Variants in PDE1A observed in about 807,000 individuals in gnomAD.
PDE1A encodes the protein phosphodiesterase 1A, also known as dual specificity calcium/calmodulin-dependent 3',5'-cyclic nucleotide phosphodiesterase 1A.
PDE1A carries 35 observed loss-of-function variants against 61.7 expected under a neutral mutation model. The ratio of observed to expected loss-of-function variants is 0.57; its 90% CI spans 0.43 to 0.75. PDE1A has a LOEUF of 0.75. Among genes scored for constraint, PDE1A ranks in the 30% least tolerant of loss-of-function variants. The probability of loss-of-function intolerance (pLI) is 0.00; values close to 1 mark genes in which losing one functional copy is unlikely to be tolerated. For missense variants in PDE1A, 597 were observed against 630.6 expected (o/e 0.95, Z 0.57); for synonymous variants, 232 against 213.2 (o/e 1.09, Z -0.77).
chr2:182,540,382 AAAAGCAGCAGC>A, the PDE1A span, among the ~76,000 whole-genome samples: 1 of 138,638 alleles, frequency 7.2e-6, no homozygotes, highest in African/African-American at 2.6e-5. Context: ...AAAAAAAAAA[AAAAGCAGCAGC>A]AGCAGCAGCA....
chr2:182,486,319 G>T (rs1688022046), intron 2 of PDE1A, among the ~76,000 whole-genome samples: 1 of 151,868 alleles, frequency 6.6e-6, no homozygotes, highest in African/African-American at 2.4e-5. Flanking sequence ...AAAAGTAGAT[G>T]GACATTATAT....
At chr2:182,626,816 TATATATATACATATATATATAC>T in the PDE1A span, among the ~76,000 whole-genome samples, 16 of 23,196 alleles carry the variant, frequency 6.9e-4, no homozygotes, top group South Asian at 6.9e-3. Flanking sequence ...TATATATACA[TATATATATACATATATATATAC>T]ATATATATAC....
the PDE1A span, among the ~76,000 whole-genome samples, chr2:182,566,583 A>C: frequency 6.6e-6 from 1 of 151,882 alleles, no homozygotes; most frequent in Non-Finnish European, 1.5e-5. Flanking sequence ...ATTTCTTTCT[A>C]GTTTCTCAAG....
At chr2:182,577,965 GAA>G in the PDE1A span, among the ~76,000 whole-genome samples, 30 of 148,344 alleles carry the variant, frequency 2.0e-4, no homozygotes, top group African/African-American at 6.3e-4. Context: ...AGGAAGGAAG[GAA>G]GGAAGGAAGG....
intron 1 of PDE1A, among the ~76,000 whole-genome samples, chr2:182,352,646 C>T (rs1272648644): frequency 1.4e-5 from 2 of 146,836 alleles, no homozygotes; most frequent in Non-Finnish European, 3.0e-5. Context: ...GTGATGCTCA[C>T]TCTGTTGTTT....
chr2:182,196,384 T>C (rs951923056), intron 10 of PDE1A, among the ~76,000 whole-genome samples: 9 of 151,992 alleles, frequency 5.9e-5, no homozygotes. Context: ...TTTGGAGATC[T>C]AATGGTAATC....
At chr2:182,177,400 C>A (rs1025641926) in intron 13 of PDE1A, among the ~76,000 whole-genome samples, 77 of 151,922 alleles carry the variant, frequency 5.1e-4, no homozygotes, top group Non-Finnish European at 9.9e-4. Context: ...CAACTTCTTC[C>A]TGGTTTAGTC....
chr2:182,663,461 G>C, the PDE1A span, among the ~76,000 whole-genome samples: 1 of 152,134 alleles, frequency 6.6e-6, no homozygotes, highest in South Asian at 2.1e-4. Flanking sequence ...AGAAAATGTG[G>C]TACATATATA....
At chr2:182,666,188 C>A in the PDE1A span, among the ~76,000 whole-genome samples, 54 of 152,038 alleles carry the variant, frequency 3.6e-4, no homozygotes, top group Non-Finnish European at 6.9e-4. Context: ...ACCTGCACAT[C>A]CTGCACATGT....
chr2:182,564,205 TC>T, the PDE1A span, among the ~76,000 whole-genome samples: 1 of 152,240 alleles, frequency 6.6e-6, no homozygotes. Context: ...GTTGTTCCTT[TC>T]CATGTTTAGT....
At chr2:182,342,070 C>G (rs1287022414) in intron 1 of PDE1A, among the ~76,000 whole-genome samples, 2 of 152,082 alleles carry the variant, frequency 1.3e-5, no homozygotes, top group Admixed American at 6.6e-5. Flanking sequence ...ACACCCGGCC[C>G]TTTTCTATAG....
At chr2:182,559,344 T>C in the PDE1A span, among the ~76,000 whole-genome samples, 1 of 152,174 alleles carries the variant, frequency 6.6e-6, no homozygotes, top group African/African-American at 2.4e-5. Flanking sequence ...GGTAAGAAGC[T>C]TGGATTTTAT....
chr2:182,202,621 G>C (rs1428257245), intron 8 of PDE1A, among the ~76,000 whole-genome samples: 1 of 152,130 alleles, frequency 6.6e-6, no homozygotes, highest in Non-Finnish European at 1.5e-5. Context: ...TCTGTGCCAA[G>C]CTTCCATCAT....
intron 13 of PDE1A, among the ~76,000 whole-genome samples, chr2:182,151,047 T>C (rs1001653822): frequency 1.3e-5 from 2 of 152,176 alleles, no homozygotes; most frequent in African/African-American, 2.4e-5. Context: ...CTATTCTAAG[T>C]GCTTCACTCA....
chr2:182,407,041 A>G lies in PDE1A; in HGVS notation c.53+19537T>C, dbSNP rs534166160. On this transcript the variant is annotated intron_variant, in intron 1 of 13. Coordinates refer to ENST00000351439, the Ensembl canonical transcript of PDE1A. Reference sequence around the variant, plus strand: ...AATCTATTTTCCCCGAGAGTACTTCAAAGAGTTTGTTTTAATCAATTTACT... The same window carrying G: ...AATCTATTTTCCCCGAGAGTACTTCGAAGAGTTTGTTTTAATCAATTTACT... Among the ~76,000 whole-genome samples the G allele has an allele frequency of 1.6e-3, 246 of 152,240 alleles. 1 individual carries two copies. The highest frequency in any genetic ancestry group is 5.4e-3 in the African/African-American group (224 of 41,564).
At chr2:182,705,840 A>T in the PDE1A span, among the ~76,000 whole-genome samples, 1 of 152,240 alleles carries the variant, frequency 6.6e-6, no homozygotes, top group East Asian at 1.9e-4. Context: ...AAAACAAAAA[A>T]GTTCATGACA....
chr2:182,431,041 G>T, upstream of PDE1A, among the ~76,000 whole-genome samples: 1 of 135,056 alleles, frequency 7.4e-6, no homozygotes, highest in Non-Finnish European at 1.6e-5. Flanking sequence ...CACCAGCATG[G>T]CACATGTATA....
intron 1 of PDE1A, among the ~76,000 whole-genome samples, chr2:182,267,808 A>T (rs2125803795): frequency 6.6e-6 from 1 of 152,182 alleles, no homozygotes; most frequent in South Asian, 2.1e-4. Flanking sequence ...AAGGTCAAAC[A>T]TCTTCATGAA....
At chr2:182,700,262 T>C in the PDE1A span, among the ~76,000 whole-genome samples, 1 of 152,216 alleles carries the variant, frequency 6.6e-6, no homozygotes, top group African/African-American at 2.4e-5. Context: ...AAATTTGTTC[T>C]AAAATTTCCC....
Sources: gnomAD v4.1 joint callset for allele counts (sites outside exome capture counted in the v4.1 genomes callset) on GRCh38, gnomAD v4.1.1 for gene constraint, MANE v1.5 for transcripts, NCBI Gene and HGNC (gene_info 2026-07-23, HGNC 2026-07-21) for gene names.